The following RCC2 variants were observed in gnomAD, a reference collection of about 807,000 sequenced individuals.
The protein encoded by RCC2 is protein RCC2.
In RCC2, 19 loss-of-function variants were observed where a neutral mutation model predicts 64.1. The ratio of observed to expected loss-of-function variants is 0.30; its 90% confidence interval spans 0.21 to 0.44. The LOEUF (loss-of-function observed/expected upper bound fraction) is 0.44, where lower values mean the gene tolerates loss of function less well. RCC2 is among the 20% of genes least tolerant of loss of function. The probability of loss-of-function intolerance (pLI) is 1.00; values close to 1 mark genes in which losing one functional copy is unlikely to be tolerated. For missense variants in RCC2, 508 were observed against 710.4 expected, an observed-to-expected ratio of 0.72 and a Z score of 3.24; for synonymous variants, 325 against 279.6, an observed-to-expected ratio of 1.16 and a Z score of -1.62.
intron 7 of RCC2, among the ~76,000 whole-genome samples, chr1:17,417,761 C>A (rs538407525): frequency 3.3e-5 from 5 of 151,992 alleles, no homozygotes; most frequent in Admixed American, 3.3e-4. Context: ...CCCCTCCATA[C>A]GGCACGCTGG....
In RCC2 at chr1:17,422,271, A is replaced by C; in HGVS notation, c.676T>G (p.Phe226Val). 6.2e-7 allele frequency: 1 copy of C among 1,611,560 alleles called. No homozygotes were observed. The highest frequency in any genetic ancestry group is 1.1e-5 in the South Asian group (1 of 90,844). The change falls in exon 6 of 13, where the codon TTT becomes GTT. Residue 226 changes from phenylalanine (F) to valine (V), a missense_variant. Phe to Val is a conservative substitution (Grantham distance 50). This residue lies in a region of RCC2 where 132 missense variants were observed against 207.3 expected (regional missense o/e 0.64). Transcript: ENST00000375436. ...ALTETGSVFA[F>V]GENKMGQLGL... ...AGCTGCCCCATCTTGTTTTCCCCAA[A>C]CGCAAACACGGAGCCCGTTTCTGGA...
intron 7 of RCC2, among the ~76,000 whole-genome samples, chr1:17,418,237 CAG>C (rs1476869023): frequency 2.2e-5 from 3 of 136,866 alleles, no homozygotes; most frequent in Non-Finnish European, 3.1e-5. Flanking sequence ...TTTTTTGAGA[CAG>C]AGTCTCGCTC....
chr1:17,438,786 A>C (rs1325292020), intron 1 of RCC2, among the ~76,000 whole-genome samples: 2 of 152,132 alleles, frequency 1.3e-5, no homozygotes, highest in Non-Finnish European at 2.9e-5. Context: ...CCCCCGGCCT[A>C]TCCGTAAGTT....
At chr1:17,415,435 G>A (rs1403244924) in intron 8 of RCC2, among the ~76,000 whole-genome samples, 1 of 152,152 alleles carries the variant, frequency 6.6e-6, no homozygotes, top group Non-Finnish European at 1.5e-5. Flanking sequence ...ACTAACAGCC[G>A]GGCGCGGTGG....
chr1:17,425,312 AAAG>A (rs1271064763), intron 4 of RCC2, among the ~76,000 whole-genome samples: 2 of 152,342 alleles, frequency 1.3e-5, no homozygotes, highest in South Asian at 2.1e-4. Context: ...ACAAGGAATC[AAAG>A]AAGTAGGGGC....
chr1:17,426,102 G>GACCCAGGAAACCCCGCTC, intron 3 of RCC2, among the ~76,000 whole-genome samples: 1 of 152,240 alleles, frequency 6.6e-6, no homozygotes, highest in Non-Finnish European at 1.5e-5. Flanking sequence ...GGAAGAGGCT[G>GACCCAGGAAACCCCGCTC]ACCCAGGAAA....
intron 2 of RCC2, among the ~76,000 whole-genome samples, chr1:17,434,504 T>C (rs948066147): frequency 3.9e-5 from 6 of 152,210 alleles, no homozygotes; most frequent in Admixed American, 3.3e-4. Flanking sequence ...ATAGCCTTTG[T>C]AATATCCTTT....
Position 17,413,628 on chromosome 1 carries a change from G to T in RCC2, c.1116C>A (p.Val372=), listed in dbSNP as rs1304214949. The change falls in exon 9 of 13, where the codon GTC becomes GTA. Residue 372 remains valine, a synonymous_variant. Transcript: ENST00000375436. ...AGTCAAACAGCTTCACCAGGCGGGG[G>T]ACCATCTCATCCTTCTGCTCTGCGT... is the stretch of plus-strand genomic sequence containing the variant. ...LGHAEQKDEM[V]PRLVKLFDFP... 1 of 1,614,026 alleles carries T rather than the reference G, an allele frequency of 6.2e-7. No individual in the cohort carries two copies. Among genetic ancestry groups the T allele is most frequent in the Admixed American group, 1.7e-5 (1 of 60,000 alleles).
intron 7 of RCC2, among the ~76,000 whole-genome samples, chr1:17,417,466 G>C (rs947201214): frequency 6.6e-6 from 1 of 152,206 alleles, no homozygotes; most frequent in Admixed American, 6.5e-5. Flanking sequence ...TGAGGTGTTT[G>C]AGACCAGCCT....
chr1:17,420,874 A>T, intron 6 of RCC2, 46 bp from the exon 7 acceptor site: 1 of 1,282,698 alleles, frequency 7.8e-7, no homozygotes, highest in Admixed American at 2.1e-5. Flanking sequence ...AAAGACTGAT[A>T]AAAAGCCTCT....
intron 6 of RCC2, among the ~76,000 whole-genome samples, chr1:17,421,811 A>G (rs1440775428): frequency 6.6e-6 from 1 of 152,180 alleles, no homozygotes; most frequent in Admixed American, 6.5e-5. Flanking sequence ...GGATCACCTG[A>G]GGTCAGGAGT....
rs1220542355 is a variant in RCC2, at chr1:17,433,837, GAGGTAAGA to G, written c.285+4385_285+4392del. ...CCATGTAGAAGACCGCTGCTCCGGG[GAGGTAAGA>G]CCCCCGGGAACAATGCCGGCATCGA... On this transcript the variant is annotated intron_variant, in intron 2 of 12. Transcript: ENST00000375436. Among the ~76,000 whole-genome samples, 294 of 152,286 alleles carry G rather than the reference GAGGTAAGA, an allele frequency of 1.9e-3. 3 individuals are homozygous for G. In the East Asian group the frequency reaches 0.032, roughly 16 times the overall value.
intron 7 of RCC2, among the ~76,000 whole-genome samples, chr1:17,419,830 C>CT (rs921083326): frequency 9.8e-5 from 15 of 152,334 alleles, no homozygotes; most frequent in South Asian, 2.1e-4. Context: ...CTCCAACTGT[C>CT]TCGGGCTCCA....
chr1:17,417,183 A>T (rs1257445193), intron 7 of RCC2, among the ~76,000 whole-genome samples: 1 of 152,168 alleles, frequency 6.6e-6, no homozygotes, highest in Non-Finnish European at 1.5e-5. Flanking sequence ...CGGGTGGCTA[A>T]AGCCTGCAAT....
intron 4 of RCC2, among the ~76,000 whole-genome samples, chr1:17,423,286 C>A (rs2075575781): frequency 1.3e-5 from 2 of 152,226 alleles, no homozygotes; most frequent in Admixed American, 1.3e-4. Context: ...GTGCTCTGGG[C>A]ATCCACTGAG....
At chr1:17,410,080 C>T (rs1188139249) in intron 11 of RCC2, 29 bp from the exon 12 acceptor site, 7 of 1,604,356 alleles carry the variant, frequency 4.4e-6, no homozygotes, top group South Asian at 2.2e-5. Flanking sequence ...TGTTCGCAAT[C>T]GAGGATCCAT....
Position 17,420,300 on chromosome 1 carries a change from G to A in RCC2, c.859+414C>T, listed in dbSNP as rs532928797. On this transcript the variant is annotated intron_variant, in intron 7 of 12. Transcript: ENST00000375436. ...GAGGGGGTCCACCAGGGCTCCTCACGTGGCAACCCGAAATAATCGCCCAGG... is the reference window on the plus strand; with the variant it reads ...GAGGGGGTCCACCAGGGCTCCTCACATGGCAACCCGAAATAATCGCCCAGG... 2.0e-5 allele frequency among the ~76,000 whole-genome samples: 3 copies of A among 152,286 alleles called. No individual in the cohort carries two copies. In the East Asian group the frequency reaches 5.8e-4, roughly 29 times the overall value.
chr1:17,415,593 C>T (rs1326489260), intron 8 of RCC2, among the ~76,000 whole-genome samples: 1 of 151,656 alleles, frequency 6.6e-6, no homozygotes, highest in South Asian at 2.1e-4. Flanking sequence ...GCCTCTAATC[C>T]CAGCTACTCA....
chr1:17,422,473 G>A (rs2075566179), intron 5 of RCC2, among the ~76,000 whole-genome samples, 182 bp from the exon 6 acceptor site: 1 of 152,200 alleles, frequency 6.6e-6, no homozygotes, highest in East Asian at 1.9e-4. Context: ...CAGAAACTGG[G>A]TGTGCAGAGA....
Sources: allele counts gnomAD v4.1 joint callset (sites outside exome capture counted in the v4.1 genomes callset), GRCh38; gene constraint gnomAD v4.1.1; regional missense constraint gnomAD v4.1.1; transcripts MANE v1.5; gene names NCBI Gene and HGNC (gene_info 2026-07-23, HGNC 2026-07-21).